RBPJ: variants seen among roughly 807,000 people sequenced by gnomAD.
RBPJ encodes recombining binding protein suppressor of hairless.
In RBPJ, 9 loss-of-function variants were observed where a neutral mutation model predicts 67.8. The ratio of observed to expected loss-of-function variants is 0.13; its 90% confidence interval spans 0.08 to 0.23. The LOEUF is 0.23. RBPJ is among the 10% of genes least tolerant of loss of function. The pLI is 1.00. For synonymous variants in RBPJ, 198 were observed against 203.3 expected, an observed-to-expected ratio of 0.97 and a Z score of 0.22; for missense variants, 305 against 595.6, an observed-to-expected ratio of 0.51 and a Z score of 5.08.
chr4:26,126,434 C>T, the RBPJ span, among the ~76,000 whole-genome samples: 1 of 152,192 alleles, frequency 6.6e-6, no homozygotes, highest in East Asian at 1.9e-4. Flanking sequence ...ACAGATACTC[C>T]TCTCTCTTTC....
At chr4:26,191,922 T>G (rs1206030666) in intron 1 of RBPJ, among the ~76,000 whole-genome samples, 1 of 152,152 alleles carries the variant, frequency 6.6e-6, no homozygotes, top group Non-Finnish European at 1.5e-5. Flanking sequence ...AAGCAGGCCT[T>G]TCTAGGGATA....
intron 1 of RBPJ, among the ~76,000 whole-genome samples, chr4:26,180,830 A>G (rs1273251441): frequency 6.6e-6 from 1 of 152,250 alleles, no homozygotes; most frequent in African/African-American, 2.4e-5. Flanking sequence ...AAATAGCAGT[A>G]ATAACTAGAA....
chr4:26,132,406 T>A, the RBPJ span, among the ~76,000 whole-genome samples: 3 of 152,110 alleles, frequency 2.0e-5, no homozygotes, highest in South Asian at 2.1e-4. Context: ...CACCCCCAGG[T>A]GTGCCCACCT....
At chr4:26,197,173 G>C (rs1329693871) in intron 1 of RBPJ, among the ~76,000 whole-genome samples, 2 of 152,230 alleles carry the variant, frequency 1.3e-5, no homozygotes, top group East Asian at 3.9e-4. Context: ...TTCAACCAAG[G>C]TCAGCAGTGG....
intron 1 of RBPJ, among the ~76,000 whole-genome samples, chr4:26,384,255 T>A (rs1438737571): frequency 6.6e-6 from 1 of 152,224 alleles, no homozygotes; most frequent in Non-Finnish European, 1.5e-5. Flanking sequence ...TTTGTGCTAT[T>A]TCAATTAAAG....
the RBPJ span, among the ~76,000 whole-genome samples, chr4:26,127,402 T>C: frequency 6.6e-6 from 1 of 152,172 alleles, no homozygotes; most frequent in Non-Finnish European, 1.5e-5. Flanking sequence ...TCCTTGGCTA[T>C]GGTTGGGTAG....
intron 1 of RBPJ, among the ~76,000 whole-genome samples, chr4:26,354,158 C>T (rs1054472709): frequency 6.6e-6 from 1 of 151,018 alleles, no homozygotes; most frequent in African/African-American, 2.4e-5. Flanking sequence ...GTCTCGATCT[C>T]CTGACCTCGT....
At chr4:26,293,067 AG>A (rs1244534790) in intron 1 of RBPJ, among the ~76,000 whole-genome samples, 1 of 150,438 alleles carries the variant, frequency 6.6e-6, no homozygotes, top group Non-Finnish European at 1.5e-5. Context: ...AGGTACAGGG[AG>A]GGGAGTGAGA....
the RBPJ span, among the ~76,000 whole-genome samples, chr4:26,116,629 C>T: frequency 6.4e-3 from 980 of 152,312 alleles, 19 homozygotes; most frequent in East Asian, 0.046. Flanking sequence ...ATAGCAAAAG[C>T]TTCTTATGCC....
chr4:26,383,333 C>T (rs963465704), intron 1 of RBPJ, among the ~76,000 whole-genome samples: 3 of 152,108 alleles, frequency 2.0e-5, no homozygotes, highest in Admixed American at 1.3e-4. Flanking sequence ...ATTTTGAGTG[C>T]GATGAATCTC....
At chr4:26,302,577 G>T (rs577278252) in intron 1 of RBPJ, among the ~76,000 whole-genome samples, 3 of 152,286 alleles carry the variant, frequency 2.0e-5, no homozygotes, top group South Asian at 4.1e-4. Context: ...AAGGGAGGAA[G>T]TGACCCAGCA....
upstream of RBPJ, among the ~76,000 whole-genome samples, chr4:26,316,242 G>A (rs955003984): frequency 2.7e-5 from 4 of 146,872 alleles, no homozygotes; most frequent in South Asian, 2.1e-4. Flanking sequence ...CTGACTTCCC[G>A]CAACATATAT....
the RBPJ span, among the ~76,000 whole-genome samples, chr4:26,121,622 C>T: frequency 6.6e-6 from 1 of 152,082 alleles, no homozygotes; most frequent in African/African-American, 2.4e-5. Context: ...GTTACCTACA[C>T]TTCAGTTTTC....
chr4:26,403,490 C>T (rs561409820), intron 2 of RBPJ, among the ~76,000 whole-genome samples: 11 of 152,130 alleles, frequency 7.2e-5, no homozygotes, highest in East Asian at 5.8e-4. Context: ...CCAGGTATTA[C>T]GCCCAGTACC....
intron 5 of RBPJ, among the ~76,000 whole-genome samples, chr4:26,421,288 CTT>C (rs1735112088): frequency 6.6e-6 from 1 of 151,714 alleles, no homozygotes; most frequent in African/African-American, 2.4e-5. Flanking sequence ...CTTTTTTTAA[CTT>C]TTTATTATGG....
At chr4:26,112,195 G>C in the RBPJ span, 1 of 152,658 alleles carries the variant, frequency 6.6e-6, no homozygotes, top group Non-Finnish European at 1.5e-5. Context: ...AAAACAGTAA[G>C]CATAGAAAGT....
chr4:26,281,200 T>A (rs1054908561), intron 1 of RBPJ, among the ~76,000 whole-genome samples: 9 of 152,202 alleles, frequency 5.9e-5, no homozygotes, highest in Admixed American at 2.0e-4. Flanking sequence ...GCAGGCTTAA[T>A]GGGTAGTATC....
At chr4:26,363,635 C>A (rs1728310290) in intron 1 of RBPJ, among the ~76,000 whole-genome samples, 1 of 152,166 alleles carries the variant, frequency 6.6e-6, no homozygotes, top group Non-Finnish European at 1.5e-5. Context: ...GACGGGTTGT[C>A]ACCATATTTG....
At chr4:26,108,379 T>C in the RBPJ span, among the ~76,000 whole-genome samples, 1 of 152,228 alleles carries the variant, frequency 6.6e-6, no homozygotes, top group Non-Finnish European at 1.5e-5. Context: ...GCAGTTCCCT[T>C]TGCCTTTTAA....
Sources: gnomAD v4.1 joint callset for allele counts (sites outside exome capture counted in the v4.1 genomes callset) on GRCh38, gnomAD v4.1.1 for gene constraint, MANE v1.5 for transcripts, NCBI Gene and HGNC (gene_info 2026-07-23, HGNC 2026-07-21) for gene names.